PSD2: variants seen among roughly 807,000 people sequenced by gnomAD.
The protein encoded by PSD2 is pleckstrin and Sec7 domain containing 2, also known as PH and SEC7 domain-containing protein 2.
A neutral mutation model predicts 69.8 loss-of-function variants in PSD2; 38 were observed. The observed-to-expected ratio is 0.54, with a 90% CI of 0.42 to 0.71. The LOEUF is 0.71. PSD2 is among the 30% of genes least tolerant of loss of function. PSD2 has a pLI of 0.00. For missense variants in PSD2, 943 were observed against 1,014.5 expected (o/e 0.93, Z 0.96); for synonymous variants, 412 against 423.0 (o/e 0.97, Z 0.32).
intron 1 of PSD2, among the ~76,000 whole-genome samples, chr5:139,802,320 G>A (rs984479634): frequency 1.3e-5 from 2 of 152,046 alleles, no homozygotes; most frequent in Non-Finnish European, 2.9e-5. Context: ...GAAGCTTCTT[G>A]GTTTCTGTCT....
intron 1 of PSD2, among the ~76,000 whole-genome samples, chr5:139,805,785 G>A (rs1168662659): frequency 6.6e-6 from 1 of 152,212 alleles, no homozygotes; most frequent in Non-Finnish European, 1.5e-5. Context: ...CACTGTGGCT[G>A]ATGTGGGAGA....
At chr5:139,823,218 C>A (rs965871294) in intron 7 of PSD2, among the ~76,000 whole-genome samples, 4 of 152,190 alleles carry the variant, frequency 2.6e-5, no homozygotes, top group African/African-American at 7.2e-5. Flanking sequence ...TGGTCCAGGC[C>A]CCAGGCTGTC....
chr5:139,827,391 T>C (rs1323302089), intron 7 of PSD2, among the ~76,000 whole-genome samples: 1 of 152,232 alleles, frequency 6.6e-6, no homozygotes, highest in Admixed American at 6.5e-5. Context: ...GTGTATTTGG[T>C]TGGACTTGGA....
chr5:139,807,171 A>G (rs772310902), intron 1 of PSD2, among the ~76,000 whole-genome samples: 2 of 152,184 alleles, frequency 1.3e-5, no homozygotes, highest in Non-Finnish European at 2.9e-5. Context: ...CCCTGACTCA[A>G]AATGGTGGGC....
chr5:139,835,879 C>T lies in PSD2; in HGVS notation c.1403+113C>T. On this transcript the variant is annotated intron_variant, in intron 9 of 14. Coordinates refer to ENST00000274710, the MANE Select transcript of PSD2 (RefSeq NM_032289.4). ...CTCCATGGTGCTGATCCCTCCCAAT[C>T]CAGGGCCTGATACCTGTGTCTAGCT... 6.0e-6 allele frequency: 6 copies of T among 1,005,364 alleles called. 1 individual carries two copies. The highest frequency in any genetic ancestry group is 9.5e-6 in the Non-Finnish European group (6 of 632,898). The allele number at this position is 1,005,364 out of a possible 1,614,324, so 62.3% of individuals were successfully genotyped here. A position where few individuals can be genotyped will look rare whatever the true frequency, so the allele number is the denominator to read the frequency against.
the PSD2 span, among the ~76,000 whole-genome samples, chr5:139,750,754 C>G: frequency 6.6e-6 from 1 of 152,044 alleles, no homozygotes; most frequent in South Asian, 2.1e-4. Context: ...GAAGAGGAAC[C>G]CTTGTGGGGC....
At chr5:139,757,904 G>A in the PSD2 span, among the ~76,000 whole-genome samples, 3 of 152,106 alleles carry the variant, frequency 2.0e-5, no homozygotes, top group Non-Finnish European at 4.4e-5. Flanking sequence ...GGCTGGGCAC[G>A]GTGACTCATG....
At chr5:139,817,623 T>G (rs1332125372) in intron 5 of PSD2, 62 bp downstream of exon 5, 24 of 1,353,830 alleles carry the variant, frequency 1.8e-5, no homozygotes, top group Non-Finnish European at 2.2e-5. Flanking sequence ...TGGATTCTCA[T>G]GTCAACTCTA....
chr5:139,813,835 G>A, intron 3 of PSD2, 77 bp downstream of exon 3: 2 of 1,296,948 alleles, frequency 1.5e-6, no homozygotes, highest in Non-Finnish European at 2.1e-6. Flanking sequence ...AGCAGGTTAG[G>A]GTGACTCAGT....
At chr5:139,756,033 C>T in the PSD2 span, among the ~76,000 whole-genome samples, 28 of 152,234 alleles carry the variant, frequency 1.8e-4, no homozygotes, top group Admixed American at 1.3e-3. Flanking sequence ...TGCCGTCCGC[C>T]CTCCCGCGCC....
the PSD2 span, among the ~76,000 whole-genome samples, chr5:139,786,311 C>T: frequency 6.6e-6 from 1 of 152,086 alleles, no homozygotes; most frequent in Non-Finnish European, 1.5e-5. Flanking sequence ...CACCTGAGCC[C>T]AGGAGGTTGA....
At chr5:139,830,551 T>TTCCTTCCTTCCTTCCTTCCG (rs2126959270) in intron 7 of PSD2, among the ~76,000 whole-genome samples, 1 of 135,740 alleles carries the variant, frequency 7.4e-6, no homozygotes, top group Non-Finnish European at 1.5e-5. Flanking sequence ...CCTTCCTTCC[T>TTCCTTCCTTCCTTCCTTCCG]TCCTTCCTTC....
the PSD2 span, among the ~76,000 whole-genome samples, chr5:139,745,634 C>T: frequency 2.0e-4 from 30 of 152,374 alleles, no homozygotes; most frequent in African/African-American, 6.3e-4. Context: ...GACTCAGTGT[C>T]TGCTGGATGC....
Position 139,836,895 on chromosome 5 carries a change from G to A in PSD2, c.1488G>A (p.Leu496=). 6.2e-7 allele frequency: 1 copy of A among 1,614,176 alleles called. No individual in the cohort carries two copies. The highest frequency in any genetic ancestry group is 8.5e-7 in the Non-Finnish European group (1 of 1,180,018). Residue 496 remains leucine, a synonymous_variant, in exon 10 of 15, where the codon CTG becomes CTA. Coordinates refer to ENST00000274710, the MANE Select transcript of PSD2 (RefSeq NM_032289.4). ...GTGTKKVTRI[L]DGGNPFLDVP... is the part of the protein sequence containing the mutation. ...GCACGAAGAAGGTGACGCGAATCCT[G>A]GATGGTGGCAACCCCTTCCTGGATG... is the stretch of plus-strand genomic sequence containing the variant.
intron 2 of PSD2, among the ~76,000 whole-genome samples, chr5:139,810,179 C>T (rs1417627628): frequency 5.3e-5 from 8 of 152,244 alleles, no homozygotes; most frequent in Admixed American, 1.3e-4. Flanking sequence ...TGAGACTCTC[C>T]CAAATCCTTC....
intron 2 of PSD2, 128 bp downstream of exon 2, chr5:139,809,939 T>C: frequency 2.0e-6 from 2 of 1,021,926 alleles, no homozygotes; most frequent in Non-Finnish European, 2.8e-6. Context: ...TTCATATCCC[T>C]CTTTTGCCCA....
At chr5:139,779,357 C>T in the PSD2 span, among the ~76,000 whole-genome samples, 1 of 152,110 alleles carries the variant, frequency 6.6e-6, no homozygotes, top group African/African-American at 2.4e-5. Context: ...CGTAGCCACC[C>T]CCCGGGTTTT....
rs151264409 is a variant in PSD2, at chr5:139,811,423, C to T, written c.371+1612C>T. On this transcript the variant is annotated intron_variant, in intron 2 of 14. Coordinates refer to ENST00000274710, the MANE Select transcript of PSD2 (RefSeq NM_032289.4). ...TGCTAGGCAGCAGGGGCTGGGGGAA[C>T]GTAGGGTGGGGCCAGAGCCTCAGGG... Among the ~76,000 whole-genome samples the T allele has an allele frequency of 3.3e-3, 502 of 152,216 alleles. 12 individuals are homozygous for T. Among genetic ancestry groups the T allele is most frequent in the Admixed American group, 0.03 (458 of 15,294 alleles).
At chr5:139,753,607 C>A in the PSD2 span, among the ~76,000 whole-genome samples, 1 of 152,160 alleles carries the variant, frequency 6.6e-6, no homozygotes, top group Non-Finnish European at 1.5e-5. Flanking sequence ...AGCCTAAGAG[C>A]TATTTCATCC....
Sources: gnomAD v4.1 joint callset for allele counts (sites outside exome capture counted in the v4.1 genomes callset) on GRCh38, gnomAD v4.1.1 for gene constraint, MANE v1.5 for transcripts, NCBI Gene and HGNC (gene_info 2026-07-23, HGNC 2026-07-21) for gene names.